GRIN2B: variants seen among roughly 807,000 people sequenced by gnomAD.
The protein encoded by GRIN2B is glutamate ionotropic receptor NMDA type subunit 2B.
GRIN2B carries 5 observed loss-of-function variants against 114.5 expected under a neutral mutation model. The observed-to-expected ratio is 0.04, with a 90% CI of 0.02 to 0.09. GRIN2B has a LOEUF of 0.09. GRIN2B is among the 10% of genes least tolerant of loss of function. The pLI, the probability that GRIN2B is intolerant of heterozygous loss-of-function variation, is 1.00. For synonymous variants in GRIN2B, 787 were observed against 745.1 expected, an observed-to-expected ratio of 1.06 and a Z score of -0.92; for missense variants, 1,108 against 1,943.5, an observed-to-expected ratio of 0.57 and a Z score of 8.08.
rs547235899 is a variant in GRIN2B at position 13,552,843 on chromosome 12, G to A, written c.*9940C>T. On this transcript the variant is annotated 3_prime_UTR_variant, in exon 14 of 14. Coordinates refer to ENST00000609686, the MANE Select transcript of GRIN2B (RefSeq NM_000834.5). ...GTTGTCACAAGTTTTGCCCTACCTT[G>A]CCAATAATAATTGTCCTACCCACTC... The A allele has an allele frequency of 6.6e-6, 1 of 152,132 alleles. No individual in the cohort carries two copies. The highest frequency in any genetic ancestry group is 2.1e-4 in the South Asian group (1 of 4,816). The allele number at this position is 152,132 out of a possible 1,614,324, so 9.4% of individuals were successfully genotyped here.
chr12:13,838,599 AC>A (rs568522221), intron 3 of GRIN2B, among the ~76,000 whole-genome samples: 1 of 150,336 alleles, frequency 6.7e-6, no homozygotes, highest in Non-Finnish European at 1.5e-5. Context: ...TCTCCCCACC[AC>A]CCCCCCATCT....
intron 3 of GRIN2B, among the ~76,000 whole-genome samples, chr12:13,771,712 T>C (rs1353452107): frequency 1.3e-5 from 2 of 152,248 alleles, no homozygotes; most frequent in Non-Finnish European, 2.9e-5. Context: ...TCATTAAGTG[T>C]GAATCTATTG....
intron 3 of GRIN2B, among the ~76,000 whole-genome samples, chr12:13,864,371 G>A (rs982512817): frequency 6.9e-6 from 1 of 145,244 alleles, no homozygotes; most frequent in Non-Finnish European, 1.6e-5. Context: ...TGGTGTCTGT[G>A]CTAGGTTTTA....
chr12:13,805,313 C>T (rs1019625686), intron 3 of GRIN2B, among the ~76,000 whole-genome samples: 1 of 152,078 alleles, frequency 6.6e-6, no homozygotes, highest in Non-Finnish European at 1.5e-5. Flanking sequence ...ACCGTATTTC[C>T]TAGCAGAAAC....
In GRIN2B at chr12:13,865,784, C is replaced by A. The variant is rs760004028; in HGVS notation, c.411+14G>T. On this transcript the variant is annotated intron_variant, in intron 3 of 13. Coordinates refer to ENST00000609686, the MANE Select transcript of GRIN2B (RefSeq NM_000834.5). ...ACAAACCCTCAGGCCCTTCTCCCTG[C>A]AGCCCCTTTTTACCTTATCTGCCAT... The A allele has an allele frequency of 1.2e-6, 2 of 1,604,768 alleles. No homozygotes were observed. Among genetic ancestry groups the A allele is most frequent in the South Asian group, 1.1e-5 (1 of 90,928 alleles).
At chr12:13,871,768 TA>T (rs1423206949) in intron 2 of GRIN2B, among the ~76,000 whole-genome samples, 4 of 150,862 alleles carry the variant, frequency 2.7e-5, no homozygotes, top group Admixed American at 6.6e-5. Flanking sequence ...AAATAACATA[TA>T]TAATAGAAAT....
chr12:13,776,534 G>T (rs1387836701), intron 3 of GRIN2B, among the ~76,000 whole-genome samples: 2 of 152,144 alleles, frequency 1.3e-5, no homozygotes, highest in African/African-American at 2.4e-5. Flanking sequence ...AGTCAGGAAA[G>T]ATATAGTCCT....
chr12:13,620,144 C>T (rs944287150), intron 5 of GRIN2B, among the ~76,000 whole-genome samples: 9 of 152,110 alleles, frequency 5.9e-5, no homozygotes, highest in Non-Finnish European at 1.0e-4. Context: ...TGGCTTGAAA[C>T]GTAAATGATA....
In GRIN2B at chr12:13,563,663, C is replaced by T; in HGVS notation, c.3575G>A (p.Gly1192Glu). The change falls in exon 14 of 14, where the codon GGG becomes GAG. Residue 1192 changes from glycine (G) to glutamate (E), a missense_variant. Gly to Glu is a moderately conservative substitution (Grantham distance 98, BLOSUM62 -2). Coordinates refer to ENST00000609686, the MANE Select transcript of GRIN2B (RefSeq NM_000834.5). Reference protein sequence around the residue: ...GTGDKHGVVSGVPAPWEKNLT... With the variant: ...GTGDKHGVVSEVPAPWEKNLT... Reference sequence around the variant, plus strand: ...GTTCTTCTCCCAAGGTGCAGGTACCCCGCTGACCACGCCGTGTTTGTCGCC... The same window carrying T: ...GTTCTTCTCCCAAGGTGCAGGTACCTCGCTGACCACGCCGTGTTTGTCGCC... 6.2e-7 allele frequency: 1 copy of T among 1,613,674 alleles called. No homozygotes were observed.
In GRIN2B at chr12:13,714,772, T is replaced by C. The variant is rs184652264; in HGVS notation, c.1010+38545A>G. Among the ~76,000 whole-genome samples the C allele has an allele frequency of 2.5e-3, 382 of 152,034 alleles. 2 individuals are homozygous for C. The highest frequency in any genetic ancestry group is 4.1e-3 in the Non-Finnish European group (279 of 67,882). On this transcript the variant is annotated intron_variant, in intron 4 of 13. Transcript: ENST00000609686. ...TGTTTGTGCAAGTTTAAGGGGTACA[T>C]ATGCAGTTTTGATACATGCACAGAT... is the stretch of plus-strand genomic sequence containing the variant.
chr12:13,876,209 G>A lies in GRIN2B; in HGVS notation c.-18-9983C>T, dbSNP rs559458701. Among the ~76,000 whole-genome samples, 16 of 152,262 alleles carry A rather than the reference G, an allele frequency of 1.1e-4. No individual in the cohort carries two copies. In the South Asian group the frequency reaches 2.1e-3, roughly 20 times the overall value. ...CCTGGCTTTGACACTTATCTTGGGC[G>A]GGGGAAGGAAGAGAGTAACTTAAAT... On this transcript the variant is annotated intron_variant, in intron 2 of 13. Transcript: ENST00000609686.
chr12:13,865,009 G>T (rs1467185263), intron 3 of GRIN2B, among the ~76,000 whole-genome samples: 1 of 152,140 alleles, frequency 6.6e-6, no homozygotes, highest in Admixed American at 6.5e-5. Context: ...AATCCATCTG[G>T]ATGTGCAGAT....
chr12:13,816,241 G>A (rs1182052216), intron 3 of GRIN2B, among the ~76,000 whole-genome samples: 1 of 152,046 alleles, frequency 6.6e-6, no homozygotes, highest in Non-Finnish European at 1.5e-5. Flanking sequence ...TAGGTACAAG[G>A]ACCTATCACC....
At chr12:13,573,672 A>G (rs114213053) in intron 10 of GRIN2B, among the ~76,000 whole-genome samples, 1 of 152,226 alleles carries the variant, frequency 6.6e-6, no homozygotes, top group Non-Finnish European at 1.5e-5. Context: ...AAGTAATAGT[A>G]CCATTTACTT....
chr12:13,807,817 C>T (rs1001519116), intron 3 of GRIN2B, among the ~76,000 whole-genome samples: 3 of 145,804 alleles, frequency 2.1e-5, no homozygotes, highest in African/African-American at 7.6e-5. Flanking sequence ...TGTCAGTCTG[C>T]TTCTGAGTCC....
intron 3 of GRIN2B, among the ~76,000 whole-genome samples, chr12:13,855,473 T>C (rs1171022534): frequency 6.6e-6 from 1 of 152,106 alleles, no homozygotes. Context: ...ACAACAGAAA[T>C]GTATTCTCTC....
chr12:13,634,202 G>A (rs573152004), intron 5 of GRIN2B: 61 of 152,246 alleles, frequency 4.0e-4, no homozygotes, highest in African/African-American at 1.4e-3. Context: ...ATCCTGCAGG[G>A]GATACGGTAG....
intron 10 of GRIN2B, among the ~76,000 whole-genome samples, chr12:13,574,631 A>ATGAAGCTACATTATAGGTAGTTTT (rs1948751295): frequency 6.6e-6 from 1 of 152,248 alleles, no homozygotes; most frequent in African/African-American, 2.4e-5. Context: ...TCACTTCCTG[A>ATGAAGCTACATTATAGGTAGTTTT]TGAAGCTACA....
At chr12:13,941,653 C>T (rs1027535102) in intron 2 of GRIN2B, among the ~76,000 whole-genome samples, 6 of 152,176 alleles carry the variant, frequency 3.9e-5, no homozygotes, top group African/African-American at 1.4e-4. Flanking sequence ...ACTGGACCCA[C>T]AGGGAAGTGG....
Sources: gnomAD v4.1 joint callset for allele counts (sites outside exome capture counted in the v4.1 genomes callset) on GRCh38, gnomAD v4.1.1 for gene constraint, MANE v1.5 for transcripts, NCBI Gene and HGNC (gene_info 2026-07-23, HGNC 2026-07-21) for gene names.